PPP4R1: variants seen among roughly 807,000 people sequenced by gnomAD.
PPP4R1 encodes protein phosphatase 4 regulatory subunit 1.
Under a neutral mutation model 111.2 loss-of-function variants are expected in PPP4R1, and 42 were observed. That is an observed-to-expected ratio of 0.38 (90% confidence interval 0.29 to 0.49). PPP4R1 has a LOEUF of 0.49. Among genes scored for constraint, PPP4R1 ranks in the 20% least tolerant of loss-of-function variants. The probability of loss-of-function intolerance (pLI) is 0.97; values close to 1 mark genes in which losing one functional copy is unlikely to be tolerated. For synonymous variants in PPP4R1, 409 were observed against 405.5 expected (o/e 1.01, Z -0.10); for missense variants, 1,012 against 1,161.6 (o/e 0.87, Z 1.87).
chr18:9,557,060 A>G (rs192590982), intron 15 of PPP4R1, 161 bp downstream of exon 15: 4 of 601,898 alleles, frequency 6.6e-6, no homozygotes, highest in Non-Finnish European at 1.1e-5. Context: ...GAGTATAATT[A>G]TGGGACCATT....
chr18:9,614,276 C>A lies in PPP4R1; in HGVS notation c.8-6G>T. 1.5e-6 allele frequency: 2 copies of A among 1,321,416 alleles called. No individual in the cohort carries two copies. Among genetic ancestry groups the A allele is most frequent in the South Asian group, 1.9e-5 (1 of 51,386 alleles). 81.9% of individuals were successfully genotyped at this position (1,321,416 alleles called of 1,614,324 possible). A position where few individuals can be genotyped will look rare whatever the true frequency, so the allele number is the denominator to read the frequency against. On this transcript the variant is annotated splice_region_variant and splice_polypyrimidine_tract_variant and intron_variant, in intron 1 of 19. Transcript: ENST00000400556. This position sits in a 1 kb window ranked among gnomAD's most constrained non-coding sequence, Gnocchi z 4.1. Reference sequence around the variant, plus strand: ...CTCCTGAAGCAGCGAGAGGTCTGCGCCGAGGGGAGAGAAGAAAGGCCCGGT... The same window carrying A: ...CTCCTGAAGCAGCGAGAGGTCTGCGACGAGGGGAGAGAAGAAAGGCCCGGT...
intron 11 of PPP4R1, among the ~76,000 whole-genome samples, chr18:9,569,614 C>A (rs146077499): frequency 6.6e-6 from 1 of 151,982 alleles, no homozygotes; most frequent in Non-Finnish European, 1.5e-5. Context: ...AGGAATGCAA[C>A]GATGAGCCTA....
At chr18:9,602,554 A>G (rs1166294252) in intron 2 of PPP4R1, among the ~76,000 whole-genome samples, 6 of 149,916 alleles carry the variant, frequency 4.0e-5, no homozygotes, top group Non-Finnish European at 8.9e-5. Context: ...TCAAAAAAAA[A>G]AAAAAAACTT....
chr18:9,563,265 T>C, intron 12 of PPP4R1, 113 bp downstream of exon 12: 2 of 1,324,944 alleles, frequency 1.5e-6, no homozygotes, highest in Non-Finnish European at 2.0e-6. Flanking sequence ...AGCTAAAAAA[T>C]CAGCAACAAA....
intron 2 of PPP4R1, among the ~76,000 whole-genome samples, chr18:9,602,819 T>TAAAAAAAAAAAAAAAA (rs1598959589): frequency 9.1e-6 from 1 of 110,414 alleles, no homozygotes; most frequent in Non-Finnish European, 1.8e-5. Flanking sequence ...AGACACTGTC[T>TAAAAAAAAAAAAAAAA]CAAAAAAAAA....
At chr18:9,551,754 AG>A (rs1384786528) in intron 16 of PPP4R1, 1 of 152,260 alleles carries the variant, frequency 6.6e-6, no homozygotes, top group Non-Finnish European at 1.5e-5. Flanking sequence ...GAGGAGCTGT[AG>A]GAAGTCCTGC....
intron 11 of PPP4R1, 23 bp from the exon 12 acceptor site, chr18:9,563,573 G>C: frequency 6.5e-7 from 1 of 1,531,804 alleles, no homozygotes; most frequent in South Asian, 1.2e-5. Flanking sequence ...TAAGGAAATG[G>C]ACAAAGTGAG....
chr18:9,600,493 T>G (rs2067363535), intron 2 of PPP4R1, among the ~76,000 whole-genome samples: 1 of 152,164 alleles, frequency 6.6e-6, no homozygotes, highest in Non-Finnish European at 1.5e-5. Flanking sequence ...ATAGTCTGAC[T>G]ACCAGAGATA....
chr18:9,595,309 A>T (rs750948089), intron 2 of PPP4R1, among the ~76,000 whole-genome samples, 156 bp from the exon 3 acceptor site: 15 of 152,190 alleles, frequency 9.9e-5, no homozygotes, highest in Non-Finnish European at 1.9e-4. Context: ...TAACTAAAAG[A>T]TACCTCCTCT....
chr18:9,609,462 G>A (rs954243484), intron 2 of PPP4R1, among the ~76,000 whole-genome samples: 12 of 152,144 alleles, frequency 7.9e-5, no homozygotes, highest in Non-Finnish European at 1.5e-4. Context: ...CACAGAGTGC[G>A]GTCTAGGCGG....
intron 11 of PPP4R1, among the ~76,000 whole-genome samples, chr18:9,568,949 C>T (rs1391567202): frequency 4.0e-5 from 6 of 151,882 alleles, no homozygotes; most frequent in African/African-American, 9.7e-5. Flanking sequence ...GCCAAAGAAT[C>T]GCTTGAACCC....
intron 2 of PPP4R1, among the ~76,000 whole-genome samples, chr18:9,598,805 A>G (rs1483264812): frequency 6.6e-6 from 1 of 152,190 alleles, no homozygotes; most frequent in Non-Finnish European, 1.5e-5. Context: ...CGGATGGATC[A>G]CTTGAGCTCA....
At chr18:9,572,880 G>A (rs1175264053) in intron 10 of PPP4R1, among the ~76,000 whole-genome samples, 1 of 152,126 alleles carries the variant, frequency 6.6e-6, no homozygotes, top group Admixed American at 6.5e-5. Context: ...AAAATATACA[G>A]TATGCATATA....
upstream of PPP4R1, chr18:9,614,575 G>A (rs1353561295): frequency 2.3e-5 from 20 of 882,420 alleles, no homozygotes; most frequent in African/African-American, 1.3e-4. The surrounding 1 kb of genome is among the most constrained non-coding windows in gnomAD (Gnocchi z 4.1). Context: ...CGCGCGGGAG[G>A]GGCGGCGGGG....
At chr18:9,602,563 T>TAGA (rs2067406871) in intron 2 of PPP4R1, among the ~76,000 whole-genome samples, 1 of 138,992 alleles carries the variant, frequency 7.2e-6, no homozygotes, top group African/African-American at 2.8e-5. Flanking sequence ...AAAAAAAAAC[T>TAGA]TGCACCTTTC....
intron 11 of PPP4R1, among the ~76,000 whole-genome samples, chr18:9,565,056 T>G (rs916747431): frequency 6.6e-6 from 1 of 152,150 alleles, no homozygotes; most frequent in African/African-American, 2.4e-5. Context: ...AAGCTTACAT[T>G]TAGCAAGTCT....
chr18:9,569,580 A>G (rs2066826592), intron 11 of PPP4R1, among the ~76,000 whole-genome samples: 1 of 152,256 alleles, frequency 6.6e-6, no homozygotes, highest in Non-Finnish European at 1.5e-5. Flanking sequence ...TTTGTCAATC[A>G]ACAAATCTGT....
At chr18:9,591,240 G>A (rs1249885461) in intron 4 of PPP4R1, among the ~76,000 whole-genome samples, 5 of 151,560 alleles carry the variant, frequency 3.3e-5, no homozygotes, top group Admixed American at 6.6e-5. Context: ...CCCACCACTC[G>A]AGAGGCTGAG....
At chr18:9,604,215 G>A (rs1158866024) in intron 2 of PPP4R1, among the ~76,000 whole-genome samples, 1 of 152,154 alleles carries the variant, frequency 6.6e-6, no homozygotes, top group African/African-American at 2.4e-5. Context: ...CAGTAATAAA[G>A]TTTAAAGACC....
Sources: allele counts gnomAD v4.1 joint callset (sites outside exome capture counted in the v4.1 genomes callset), GRCh38; gene constraint gnomAD v4.1.1; non-coding constraint Gnocchi (gnomAD v3.1); transcripts MANE v1.5; gene names NCBI Gene and HGNC (gene_info 2026-07-23, HGNC 2026-07-21).